The following SKAP1 variants were observed in gnomAD, a reference collection of about 807,000 sequenced individuals.
The protein encoded by SKAP1 is src kinase associated phosphoprotein 1, also known as src kinase-associated phosphoprotein 1.
In SKAP1, 44 loss-of-function variants were observed where a neutral mutation model predicts 58.5. The observed-to-expected ratio is 0.75, with a 90% CI of 0.59 to 0.97. The LOEUF (loss-of-function observed/expected upper bound fraction) is 0.97. Among genes scored for constraint, SKAP1 ranks in the 50% least tolerant of loss-of-function variants. The pLI is 0.00. For synonymous variants in SKAP1, 127 were observed against 149.7 expected (o/e 0.85, Z 1.11); for missense variants, 390 against 435.2 (o/e 0.90, Z 0.92).
intron 1 of SKAP1, among the ~76,000 whole-genome samples, chr17:48,413,523 AAT>A (rs1555624885): frequency 1.9e-4 from 20 of 105,462 alleles, no homozygotes; most frequent in Non-Finnish European, 2.5e-4. Context: ...TCAAAAAAAA[AAT>A]ATATATATAT....
rs547933495 is a variant in SKAP1 at position 48,400,167 on chromosome 17, C to T, written c.47-3382G>A. ...AGGCTGGAGTGTAGTGGCGCGATCT[C>T]AGCTCACTGCAACCTCTGGCTCCTG... is the stretch of plus-strand genomic sequence containing the variant. On this transcript the variant is annotated intron_variant, in intron 1 of 12. Coordinates refer to ENST00000336915, the MANE Select transcript of SKAP1 (RefSeq NM_003726.4). 2.7e-4 allele frequency among the ~76,000 whole-genome samples: 41 copies of T among 150,010 alleles called. No individual in the cohort carries two copies. The South Asian group carries it at 7.2e-3, about 26-fold the overall frequency.
chr17:48,181,465 C>T (rs569234796), intron 8 of SKAP1, among the ~76,000 whole-genome samples: 6 of 152,110 alleles, frequency 3.9e-5, no homozygotes, highest in South Asian at 2.1e-4. Flanking sequence ...TTATACGTGA[C>T]GCTGTTGGTA....
chr17:48,302,231 T>C (rs1363551890), intron 4 of SKAP1, among the ~76,000 whole-genome samples: 1 of 152,236 alleles, frequency 6.6e-6, no homozygotes, highest in Non-Finnish European at 1.5e-5. Context: ...GTGGCTGATA[T>C]GATATATACT....
At chr17:48,287,289 CA>C (rs1040116296) in intron 4 of SKAP1, among the ~76,000 whole-genome samples, 6 of 151,878 alleles carry the variant, frequency 4.0e-5, no homozygotes, top group African/African-American at 1.4e-4. Flanking sequence ...CTACAAAATT[CA>C]CAATAATAAT....
At chr17:48,367,059 C>A (rs139506331) in intron 2 of SKAP1, among the ~76,000 whole-genome samples, 3 of 152,300 alleles carry the variant, frequency 2.0e-5, no homozygotes, top group Admixed American at 6.5e-5. Context: ...ATGATGCCCA[C>A]TCCAACTAAC....
chr17:48,205,013 C>CTT (rs35138934), intron 4 of SKAP1, among the ~76,000 whole-genome samples: 1 of 75,978 alleles, frequency 1.3e-5, no homozygotes, highest in Non-Finnish European at 3.1e-5. Flanking sequence ...TTCTTTCTTT[C>CTT]TTTTTCTTTC....
intron 3 of SKAP1, among the ~76,000 whole-genome samples, chr17:48,357,697 G>A (rs192841154): frequency 1.2e-4 from 19 of 152,210 alleles, no homozygotes; most frequent in African/African-American, 4.3e-4. Flanking sequence ...ATTTTGAAAT[G>A]CATTATTCTG....
intron 10 of SKAP1, among the ~76,000 whole-genome samples, chr17:48,168,410 AC>A (rs1202403941): frequency 1.1e-4 from 16 of 152,110 alleles, no homozygotes; most frequent in African/African-American, 3.6e-4. Context: ...TAATCCCAGC[AC>A]TTTGGGAGGC....
intron 4 of SKAP1, among the ~76,000 whole-genome samples, chr17:48,284,580 C>A (rs1183893575): frequency 1.4e-5 from 2 of 145,040 alleles, no homozygotes; most frequent in Non-Finnish European, 2.9e-5. Context: ...TTCCAAAAAG[C>A]ACAGTTGGCA....
chr17:48,414,415 C>CA lies in SKAP1; in HGVS notation c.46+15659dup, dbSNP rs1253848291. Among the ~76,000 whole-genome samples, 4 of 151,922 alleles carry CA rather than the reference C, an allele frequency of 2.6e-5. No homozygotes were observed. The East Asian group carries it at 7.7e-4, about 29-fold the overall frequency. Reference sequence around the variant, plus strand: ...AGAGATCACAGTTTAGTTGGAGAGACAAAAAATTTCAAATTGGAGGGCAGA... The same window carrying CA: ...AGAGATCACAGTTTAGTTGGAGAGACAAAAAAATTTCAAATTGGAGGGCAGA... On this transcript the variant is annotated intron_variant, in intron 1 of 12. Transcript: ENST00000336915.
intron 5 of SKAP1, among the ~76,000 whole-genome samples, chr17:48,188,488 A>G (rs2064489308): frequency 6.6e-6 from 1 of 152,104 alleles, no homozygotes; most frequent in South Asian, 2.1e-4. Flanking sequence ...GGAGTTTGAG[A>G]CCAGCCTGGG....
intron 3 of SKAP1, among the ~76,000 whole-genome samples, chr17:48,356,441 T>C (rs532634487): frequency 5.0e-4 from 76 of 152,288 alleles, no homozygotes; most frequent in South Asian, 2.3e-3. Context: ...AACCTTCAAA[T>C]GTTACAGGAA....
At chr17:48,374,453 T>C (rs758471153) in intron 2 of SKAP1, among the ~76,000 whole-genome samples, 3 of 152,200 alleles carry the variant, frequency 2.0e-5, no homozygotes, top group Non-Finnish European at 2.9e-5. Flanking sequence ...TCTCTGATAA[T>C]GGCTGTCTCC....
At chr17:48,345,489 G>T (rs1001220122) in intron 4 of SKAP1, among the ~76,000 whole-genome samples, 1 of 152,014 alleles carries the variant, frequency 6.6e-6, no homozygotes, top group African/African-American at 2.4e-5. Context: ...GAGCTCAAGG[G>T]TCTCAAATGA....
At chr17:48,208,087 A>G (rs1199504409) in intron 4 of SKAP1, among the ~76,000 whole-genome samples, 1 of 152,230 alleles carries the variant, frequency 6.6e-6, no homozygotes, top group Non-Finnish European at 1.5e-5. Flanking sequence ...CATAATCATT[A>G]GTCTTGACAT....
At chr17:48,394,632 C>T (rs1472642178) in intron 2 of SKAP1, among the ~76,000 whole-genome samples, 5 of 152,154 alleles carry the variant, frequency 3.3e-5, no homozygotes, top group South Asian at 2.1e-4. Flanking sequence ...TAAGCCACTG[C>T]GTTTAGCCTG....
At chr17:48,227,252 CCCCTGTT>C (rs2065079702) in intron 4 of SKAP1, among the ~76,000 whole-genome samples, 1 of 152,152 alleles carries the variant, frequency 6.6e-6, no homozygotes, top group African/African-American at 2.4e-5. Context: ...TCCTAAACTG[CCCCTGTT>C]TATTCTTGTT....
At chr17:48,339,172 C>T (rs796421054) in intron 4 of SKAP1, among the ~76,000 whole-genome samples, 18 of 152,194 alleles carry the variant, frequency 1.2e-4, no homozygotes, top group Middle Eastern at 3.2e-3. Flanking sequence ...TCTAAACACA[C>T]ATACATAACT....
chr17:48,349,517 C>T (rs2066768649), intron 3 of SKAP1, among the ~76,000 whole-genome samples: 2 of 152,272 alleles, frequency 1.3e-5, no homozygotes, highest in South Asian at 4.1e-4. Flanking sequence ...ACATCCACTA[C>T]CTTCAGTCCT....
Sources: allele counts gnomAD v4.1 joint callset (sites outside exome capture counted in the v4.1 genomes callset), GRCh38; gene constraint gnomAD v4.1.1; transcripts MANE v1.5; gene names NCBI Gene and HGNC (gene_info 2026-07-23, HGNC 2026-07-21).